The following IQGAP2 variants were observed in gnomAD, a reference collection of about 807,000 sequenced individuals.
IQGAP2 encodes ras GTPase-activating-like protein IQGAP2.
Under a neutral mutation model 201.3 loss-of-function variants are expected in IQGAP2, and 173 were observed. The observed-to-expected ratio is 0.86, with a 90% confidence interval of 0.76 to 0.98. IQGAP2 has a LOEUF of 0.98. Among genes scored for constraint, IQGAP2 ranks in the 50% least tolerant of loss-of-function variants. IQGAP2 has a pLI of 0.00. For missense variants in IQGAP2, 1,687 were observed against 1,864.8 expected (o/e 0.90, Z 1.76); for synonymous variants, 675 against 673.9 (o/e 1.00, Z -0.03).
chr5:76,705,515 C>T (rs1467985218), intron 35 of IQGAP2, among the ~76,000 whole-genome samples: 1 of 152,216 alleles, frequency 6.6e-6, no homozygotes, highest in African/African-American at 2.4e-5. Context: ...TATGCCATTC[C>T]TTTTCAATCT....
intron 8 of IQGAP2, among the ~76,000 whole-genome samples, chr5:76,592,201 C>A (rs1222428663): frequency 6.6e-6 from 1 of 152,172 alleles, no homozygotes; most frequent in Non-Finnish European, 1.5e-5. Flanking sequence ...CCCCGATTCT[C>A]TATTACCTAC....
intron 2 of IQGAP2, among the ~76,000 whole-genome samples, chr5:76,506,505 G>A (rs1757614970): frequency 6.6e-6 from 1 of 152,290 alleles, no homozygotes; most frequent in South Asian, 2.1e-4. Context: ...TGACATAACA[G>A]TTAAGACAAC....
intron 35 of IQGAP2, among the ~76,000 whole-genome samples, chr5:76,705,887 A>G (rs1747849182): frequency 6.6e-6 from 1 of 152,244 alleles, no homozygotes; most frequent in Admixed American, 6.5e-5. Flanking sequence ...TACCTATGTT[A>G]CTATGAAATG....
At chr5:76,591,435 T>C (rs142338789) in intron 8 of IQGAP2, among the ~76,000 whole-genome samples, 581 of 152,306 alleles carry the variant, frequency 3.8e-3, no homozygotes, top group Middle Eastern at 6.8e-3. Context: ...TAGTCCATTA[T>C]TGAAAAATTT....
intron 2 of IQGAP2, among the ~76,000 whole-genome samples, chr5:76,559,119 TC>T (rs1247906833): frequency 6.6e-6 from 1 of 152,118 alleles, no homozygotes; most frequent in Non-Finnish European, 1.5e-5. Context: ...GCCAGGATGA[TC>T]TCTATCTCCT....
chr5:76,661,843 T>C (rs115710746), intron 21 of IQGAP2, among the ~76,000 whole-genome samples: 166 of 152,276 alleles, frequency 1.1e-3, no homozygotes, highest in African/African-American at 3.8e-3. Flanking sequence ...GCCCACACTT[T>C]CTACAAAAAC....
chr5:76,562,702 G>A, intron 3 of IQGAP2, 150 bp downstream of exon 3: 1 of 659,066 alleles, frequency 1.5e-6, no homozygotes, highest in Non-Finnish European at 2.5e-6. Flanking sequence ...TCCTGAGGCA[G>A]CAGCAGTTTT....
intron 1 of IQGAP2, among the ~76,000 whole-genome samples, chr5:76,460,310 C>T (rs1754365904): frequency 6.6e-6 from 1 of 152,170 alleles, no homozygotes; most frequent in Non-Finnish European, 1.5e-5. Flanking sequence ...AAGGGTGGAG[C>T]AGAAGCACTC....
Position 76,701,070 on chromosome 5 carries a change from TG to T in IQGAP2, c.4368-5del. 6.2e-7 allele frequency: 1 copy of T among 1,614,016 alleles called. No homozygotes were observed. On this transcript the variant is annotated splice_polypyrimidine_tract_variant and splice_region_variant and intron_variant, in intron 33 of 35. Coordinates refer to ENST00000274364, the MANE Select transcript of IQGAP2 (RefSeq NM_006633.5). Reference sequence around the variant, plus strand: ...AACAACAAATGTTCTGTTCTTATTTTGTCAGAAATACTCGGAGATCAATTAA... The same window carrying T: ...AACAACAAATGTTCTGTTCTTATTTTTCAGAAATACTCGGAGATCAATTAA...
At chr5:76,467,190 T>G (rs1430949413) in intron 2 of IQGAP2, among the ~76,000 whole-genome samples, 1 of 152,124 alleles carries the variant, frequency 6.6e-6, no homozygotes, top group Non-Finnish European at 1.5e-5. Context: ...AGGTGGAGGT[T>G]GCAGTGAGCT....
intron 2 of IQGAP2, among the ~76,000 whole-genome samples, chr5:76,466,132 T>C (rs1754759920): frequency 6.6e-6 from 1 of 152,064 alleles, no homozygotes; most frequent in Non-Finnish European, 1.5e-5. Context: ...GGCCAGGAGT[T>C]TGAGACCAGC....
At chr5:76,593,497 T>TG (rs1746802578) in intron 9 of IQGAP2, among the ~76,000 whole-genome samples, 1 of 152,206 alleles carries the variant, frequency 6.6e-6, no homozygotes, top group Admixed American at 6.5e-5. Context: ...TCTTAGTACC[T>TG]GGCTCAAGTG....
At chr5:76,438,008 GT>G (rs768892670) in intron 1 of IQGAP2, among the ~76,000 whole-genome samples, 3,041 of 90,932 alleles carry the variant, frequency 0.033, 99 homozygotes, top group African/African-American at 0.095. Context: ...TTGGTCTGTA[GT>G]TTTTTTTTTT....
At chr5:76,636,456 C>T (rs1226870970) in intron 15 of IQGAP2, among the ~76,000 whole-genome samples, 1 of 152,200 alleles carries the variant, frequency 6.6e-6, no homozygotes, top group Non-Finnish European at 1.5e-5. Context: ...GGTTGCACAG[C>T]ACAAAATGAG....
intron 2 of IQGAP2, among the ~76,000 whole-genome samples, chr5:76,487,626 T>G (rs888732640): frequency 1.3e-5 from 2 of 152,170 alleles, no homozygotes; most frequent in Non-Finnish European, 2.9e-5. Context: ...TCACCACCCC[T>G]CCAGGCAGAT....
chr5:76,609,990 T>C (rs1248701591), intron 12 of IQGAP2, among the ~76,000 whole-genome samples: 1 of 146,158 alleles, frequency 6.8e-6, no homozygotes, highest in Non-Finnish European at 1.5e-5. Context: ...AAAAGCAGGT[T>C]TCATAGTTTG....
At chr5:76,602,072 C>A (rs10077289) in intron 11 of IQGAP2, among the ~76,000 whole-genome samples, 1 of 152,116 alleles carries the variant, frequency 6.6e-6, no homozygotes, top group East Asian at 1.9e-4. Context: ...CGGGCACCCT[C>A]GTGCTCTAAA....
At chr5:76,552,028 G>A (rs1190642484) in intron 2 of IQGAP2, among the ~76,000 whole-genome samples, 1 of 152,156 alleles carries the variant, frequency 6.6e-6, no homozygotes, top group African/African-American at 2.4e-5. Context: ...CTTTGAAATG[G>A]AAGAGAGCCT....
At chr5:76,609,675 A>C (rs1435888507) in intron 12 of IQGAP2, among the ~76,000 whole-genome samples, 1 of 152,156 alleles carries the variant, frequency 6.6e-6, no homozygotes, top group East Asian at 1.9e-4. Context: ...TTTAGATTAA[A>C]TCTAATGGAA....
Sources: allele counts gnomAD v4.1 joint callset (sites outside exome capture counted in the v4.1 genomes callset), GRCh38; gene constraint gnomAD v4.1.1; transcripts MANE v1.5; gene names NCBI Gene and HGNC (gene_info 2026-07-23, HGNC 2026-07-21).